Variants in SHISAL1 observed in about 807,000 individuals in gnomAD.
SHISAL1 encodes shisa like 1.
Under a neutral mutation model 22.6 loss-of-function variants are expected in SHISAL1, and 9 were observed. The observed-to-expected ratio is 0.40, with a 90% CI of 0.24 to 0.70. The LOEUF (loss-of-function observed/expected upper bound fraction) is 0.70. SHISAL1 is among the 30% of genes least tolerant of loss of function. SHISAL1 has a pLI of 0.39. For missense variants in SHISAL1, 246 were observed against 270.6 expected (o/e 0.91, Z 0.64); for synonymous variants, 119 against 115.4 (o/e 1.03, Z -0.20).
the SHISAL1 span, among the ~76,000 whole-genome samples, chr22:44,326,335 C>CAA: frequency 2.0e-5 from 3 of 152,298 alleles, no homozygotes; most frequent in Admixed American, 2.0e-4. Context: ...CGGAATCTGG[C>CAA]ACGGGAGACA....
rs2055025193 is a variant in SHISAL1 at position 44,248,843 on chromosome 22, G to A, written c.*842C>T. 1 of 152,136 alleles carries A rather than the reference G, an allele frequency of 6.6e-6. No individual in the cohort carries two copies. Among genetic ancestry groups the A allele is most frequent in the African/African-American group, 2.4e-5 (1 of 41,410 alleles). The allele number at this position is 152,136 out of a possible 1,614,324, so 9.4% of individuals were successfully genotyped here. The stretch of plus-strand genomic sequence containing the variant: ...CAGGGAGTTGGAGCCTGGACTTTGG[G>A]TTCCGGCACCGCTTCCCCACTGTGA... On this transcript the variant is annotated 3_prime_UTR_variant, in exon 5 of 5. Coordinates refer to ENST00000381176, the MANE Select transcript of SHISAL1 (RefSeq NM_001099294.2).
In SHISAL1 at chr22:44,248,986, C is replaced by T. The variant is rs1407687518; in HGVS notation, c.*699G>A. 1 of 152,134 alleles carries T rather than the reference C, an allele frequency of 6.6e-6. No homozygotes were observed. The allele number at this position is 152,134 out of a possible 1,614,324, so 9.4% of individuals were successfully genotyped here. A position where few individuals can be genotyped will look rare whatever the true frequency, so the allele number is the denominator to read the frequency against. ...GCCTGAGATGCAGCCCTTAGTATTA[C>T]TATTGTTACAGGAACGAATTCTGTA... On this transcript the variant is annotated 3_prime_UTR_variant, in exon 5 of 5. Coordinates refer to ENST00000381176, the MANE Select transcript of SHISAL1 (RefSeq NM_001099294.2).
chr22:44,326,813 C>CTGCTTCTGTGGATGGCTA, the SHISAL1 span, among the ~76,000 whole-genome samples: 1 of 152,092 alleles, frequency 6.6e-6, no homozygotes, highest in Admixed American at 6.5e-5. Context: ...ATCTCAGCTT[C>CTGCTTCTGTGGATGGCTA]TGCTTCTGTG....
the SHISAL1 span, among the ~76,000 whole-genome samples, chr22:44,325,220 G>T: frequency 6.6e-6 from 1 of 150,548 alleles, no homozygotes; most frequent in African/African-American, 2.5e-5. Context: ...TCCAGCCTGG[G>T]TGACAGAGAG....
At chr22:44,308,492 G>C (rs1329938417) in intron 1 of SHISAL1, among the ~76,000 whole-genome samples, 1 of 152,186 alleles carries the variant, frequency 6.6e-6, no homozygotes, top group Admixed American at 6.5e-5. Context: ...CCTGTGCTAG[G>C]ACCACCCTTC....
chr22:44,266,528 A>ATGTGTGTGTGTGTGTGTGTG (rs11473448), intron 4 of SHISAL1, among the ~76,000 whole-genome samples: 1,587 of 108,258 alleles, frequency 0.015, 35 homozygotes, highest in Non-Finnish European at 0.021. Flanking sequence ...GCTTTGGGGT[A>ATGTGTGTGTGTGTGTGTGTG]TGTGTGTGTG....
At chr22:44,276,505 A>G (rs2401621) in intron 4 of SHISAL1, among the ~76,000 whole-genome samples, 17,858 of 151,428 alleles carry the variant, frequency 0.12, 2,574 homozygotes, top group African/African-American at 0.33. Flanking sequence ...ATGTGGAGGC[A>G]GCTGCCTCCA....
At position 44,280,887 on chromosome 22, in the gene SHISAL1, C is replaced by A. The variant is rs932211175; in HGVS notation, c.599+4541G>T. ...GGTGGGTGTGTCTGACTGGGAGCCA[C>A]TGCCTGTGCCCCGGATTTGAGACAG... On this transcript the variant is annotated intron_variant, in intron 4 of 4. Transcript: ENST00000381176. Among the ~76,000 whole-genome samples the A allele has an allele frequency of 2.6e-5, 4 of 152,264 alleles. 1 individual carries two copies. Among genetic ancestry groups the A allele is most frequent in the African/African-American group, 9.6e-5 (4 of 41,528 alleles).
intron 4 of SHISAL1, among the ~76,000 whole-genome samples, chr22:44,276,903 G>A (rs2055243874): frequency 6.6e-6 from 1 of 152,188 alleles, no homozygotes; most frequent in South Asian, 2.1e-4. Context: ...TGAACGAGCT[G>A]CAAAGAGGAA....
chr22:44,321,761 C>T, the SHISAL1 span, among the ~76,000 whole-genome samples: 1 of 152,152 alleles, frequency 6.6e-6, no homozygotes, highest in Non-Finnish European at 1.5e-5. Context: ...GCGGGACCAA[C>T]CCCAGCGCAG....
At chr22:44,253,690 C>A (rs2055065340) in intron 4 of SHISAL1, among the ~76,000 whole-genome samples, 1 of 151,668 alleles carries the variant, frequency 6.6e-6, no homozygotes, top group Non-Finnish European at 1.5e-5. Context: ...GATCTGCCCA[C>A]CTCGGCCTCC....
chr22:44,280,040 G>A (rs140743819), intron 4 of SHISAL1, among the ~76,000 whole-genome samples: 13 of 152,256 alleles, frequency 8.5e-5, no homozygotes, highest in Non-Finnish European at 1.9e-4. Context: ...GGAGGGCTGG[G>A]GCTAGGCAGC....
intron 1 of SHISAL1, among the ~76,000 whole-genome samples, chr22:44,311,763 G>A (rs548561594): frequency 2.6e-4 from 39 of 152,360 alleles, no homozygotes; most frequent in South Asian, 8.3e-4. Context: ...GTCACAGGGC[G>A]AGGGGCTCAG....
intron 1 of SHISAL1, among the ~76,000 whole-genome samples, chr22:44,309,091 C>T (rs184098890): frequency 3.3e-5 from 5 of 152,330 alleles, no homozygotes; most frequent in Admixed American, 6.5e-5. Context: ...GCTCAAGTGC[C>T]ACCTCATCCA....
chr22:44,280,852 G>A (rs2055271614), intron 4 of SHISAL1, among the ~76,000 whole-genome samples: 1 of 152,182 alleles, frequency 6.6e-6, no homozygotes, highest in Non-Finnish European at 1.5e-5. Flanking sequence ...GTGCGGCACT[G>A]GCGGGGCCAG....
intron 4 of SHISAL1, among the ~76,000 whole-genome samples, chr22:44,271,872 C>T (rs2147281097): frequency 6.6e-6 from 1 of 152,338 alleles, no homozygotes; most frequent in South Asian, 2.1e-4. Flanking sequence ...AAGGAGCATC[C>T]TCTGAGCTGG....
At chr22:44,268,826 CCCCAGTCCTGGCCTGGGG>C (rs2147278783) in intron 4 of SHISAL1, among the ~76,000 whole-genome samples, 2 of 152,228 alleles carry the variant, frequency 1.3e-5, no homozygotes, top group African/African-American at 4.8e-5. Context: ...CACTCTGTAT[CCCCAGTCCTGGCCTGGGG>C]CCCAGCCTTG....
chr22:44,271,628 G>A (rs2055206051), intron 4 of SHISAL1, among the ~76,000 whole-genome samples: 1 of 152,244 alleles, frequency 6.6e-6, no homozygotes, highest in African/African-American at 2.4e-5. Context: ...TAGAATCCAT[G>A]GTCCTCCCTG....
In SHISAL1 at chr22:44,249,566, TGTGCCACCGCCG is replaced by T. The variant is rs2055031918; in HGVS notation, c.*107_*118del. The T allele has an allele frequency of 1.5e-6, 1 of 677,822 alleles. No homozygotes were observed. Among genetic ancestry groups the T allele is most frequent in the African/African-American group, 1.8e-5 (1 of 55,208 alleles). 42.0% of individuals were successfully genotyped at this position (677,822 alleles called of 1,614,324 possible). A position where few individuals can be genotyped will look rare whatever the true frequency, so the allele number is the denominator to read the frequency against. On this transcript the variant is annotated 3_prime_UTR_variant, in exon 5 of 5. Coordinates refer to ENST00000381176, the MANE Select transcript of SHISAL1 (RefSeq NM_001099294.2). ...TTTGGGCACAGGCAGCATTTCCTCC[TGTGCCACCGCCG>T]CTACCTCGGCTGTCCCTGGCATCTC...
Sources: gnomAD v4.1 joint callset for allele counts (sites outside exome capture counted in the v4.1 genomes callset) on GRCh38, gnomAD v4.1.1 for gene constraint, MANE v1.5 for transcripts, NCBI Gene and HGNC (gene_info 2026-07-23, HGNC 2026-07-21) for gene names.